Variants in PCDHGA7 observed in about 807,000 individuals in gnomAD.
The protein encoded by PCDHGA7 is protocadherin gamma subfamily A, 7, also known as protocadherin gamma-A7.
Under a neutral mutation model 58.3 loss-of-function variants are expected in PCDHGA7, and 44 were observed. The ratio of observed to expected loss-of-function variants is 0.75; its 90% CI spans 0.59 to 0.97. The LOEUF is 0.97. Ranked by LOEUF, PCDHGA7 falls within the 50% of genes least tolerant of loss-of-function variation. The probability of loss-of-function intolerance (pLI) is 0.00; values close to 1 mark genes in which losing one functional copy is unlikely to be tolerated. For synonymous variants in PCDHGA7, 516 were observed against 504.2 expected, an observed-to-expected ratio of 1.02 and a Z score of -0.31; for missense variants, 1,266 against 1,188.7, an observed-to-expected ratio of 1.06 and a Z score of -0.96.
At chr5:141,402,458 T>C (rs886690950) in intron 1 of PCDHGA7, among the ~76,000 whole-genome samples, 2 of 152,178 alleles carry the variant, frequency 1.3e-5, no homozygotes, top group Non-Finnish European at 2.9e-5. Flanking sequence ...ATAGTTTACA[T>C]ATCTAGAAAT....
chr5:141,507,872 C>T (rs2099864458), intron 3 of PCDHGA7, among the ~76,000 whole-genome samples: 1 of 152,168 alleles, frequency 6.6e-6, no homozygotes, highest in African/African-American at 2.4e-5. Flanking sequence ...GCTTCCTAGC[C>T]CTGAAACCAG....
chr5:141,421,243 C>T (rs201273667), intron 1 of PCDHGA7: 12 of 1,601,540 alleles, frequency 7.5e-6, no homozygotes, highest in Non-Finnish European at 1.0e-5. Flanking sequence ...GAATCGGCTA[C>T]AGCGCGGGGA....
At position 141,438,631 on chromosome 5, in the gene PCDHGA7, T is replaced by C. The variant is rs1227796079; in HGVS notation, c.2424+53308T>C. 6.5e-4 allele frequency among the ~76,000 whole-genome samples: 28 copies of C among 43,202 alleles called. 1 individual carries two copies. Among genetic ancestry groups the C allele is most frequent in the Non-Finnish European group, 8.8e-4 (23 of 26,272 alleles). 28.3% of individuals were successfully genotyped at this position (43,202 alleles called of 152,430 possible). On this transcript the variant is annotated intron_variant, in intron 1 of 3. Transcript: ENST00000518325. ...ATATATATATATATATATATATATATATATACACACACACACACACATATA... is the reference window on the plus strand; with the variant it reads ...ATATATATATATATATATATATATACATATACACACACACACACACATATA...
At chr5:141,425,159 G>T (rs557552439) in intron 1 of PCDHGA7, among the ~76,000 whole-genome samples, 1 of 152,244 alleles carries the variant, frequency 6.6e-6, no homozygotes, top group Non-Finnish European at 1.5e-5. Context: ...AGCATCTAGG[G>T]ATAGGATTTA....
At chr5:141,423,990 T>A (rs2096793990) in intron 1 of PCDHGA7, 2 of 1,090,000 alleles carry the variant, frequency 1.8e-6, no homozygotes, top group East Asian at 1.1e-4. Flanking sequence ...GCTCTCAATT[T>A]ATTATATATA....
intron 1 of PCDHGA7, among the ~76,000 whole-genome samples, chr5:141,469,232 A>AC (rs1350524557): frequency 2.0e-5 from 3 of 151,722 alleles, no homozygotes; most frequent in Non-Finnish European, 4.4e-5. Flanking sequence ...AGCCATGATC[A>AC]CCCCACTGCA....
At chr5:141,425,111 A>C (rs2096857405) in intron 1 of PCDHGA7, among the ~76,000 whole-genome samples, 1 of 152,144 alleles carries the variant, frequency 6.6e-6, no homozygotes, top group Non-Finnish European at 1.5e-5. Flanking sequence ...AGATGCCTAC[A>C]TTTTTCTTGA....
At chr5:141,401,570 C>T (rs192915698) in intron 1 of PCDHGA7, among the ~76,000 whole-genome samples, 2 of 152,290 alleles carry the variant, frequency 1.3e-5, no homozygotes, top group Admixed American at 1.3e-4. Context: ...ATTTCTCTTG[C>T]TCGGAATCCT....
At chr5:141,433,377 A>ATCTG (rs1300427377) in intron 1 of PCDHGA7, among the ~76,000 whole-genome samples, 1 of 150,958 alleles carries the variant, frequency 6.6e-6, no homozygotes, top group Non-Finnish European at 1.5e-5. Context: ...CTATCTATCT[A>ATCTG]TCTATCTATC....
intron 1 of PCDHGA7, chr5:141,478,217 G>A: frequency 2.5e-6 from 4 of 1,614,094 alleles, no homozygotes. Flanking sequence ...TCTAATCCTG[G>A]TTTCTGTGGG....
intron 1 of PCDHGA7, chr5:141,395,029 AT>A: frequency 6.2e-7 from 1 of 1,613,976 alleles, no homozygotes. Context: ...CCTGCCTCAC[AT>A]TTTGTGGGTG....
At chr5:141,404,568 G>A (rs2094540345) in intron 1 of PCDHGA7, 1 of 1,613,868 alleles carries the variant, frequency 6.2e-7, no homozygotes, top group Non-Finnish European at 8.5e-7. Flanking sequence ...GACAGTGGAA[G>A]CCCACCACTT....
chr5:141,410,849 C>CTTTTTTTTCTTTTT (rs2095433387), intron 1 of PCDHGA7: 1 of 129,786 alleles, frequency 7.7e-6, no homozygotes, highest in African/African-American at 6.0e-5. Flanking sequence ...TTGTCTTTGT[C>CTTTTTTTTCTTTTT]TTTTTTTTTT....
chr5:141,395,439 A>G, intron 1 of PCDHGA7: 1 of 679,568 alleles, frequency 1.5e-6, no homozygotes, highest in Non-Finnish European at 2.3e-6. Context: ...AACGACTTGG[A>G]AAAGATTGTT....
At chr5:141,455,860 ATTATTTAT>A (rs145569377) in intron 1 of PCDHGA7, among the ~76,000 whole-genome samples, 26,605 of 139,696 alleles carry the variant, frequency 0.19, 2,610 homozygotes, top group Middle Eastern at 0.23. Context: ...AATTTCTTTT[ATTATTTAT>A]TTATTTATTT....
At position 141,415,593 on chromosome 5, in the gene PCDHGA7, G is replaced by A. The variant is rs201857595; in HGVS notation, c.2424+30270G>A. ...TAGATGATTCGAAGTTTCCTATAGA[G>A]GATACCCCATTGGTTCCAGTGAGTT... On this transcript the variant is annotated intron_variant, in intron 1 of 3. Transcript: ENST00000518325. The A allele has an allele frequency of 7.6e-5, 122 of 1,613,876 alleles. No homozygotes were observed. In the East Asian group the frequency reaches 2.7e-3, roughly 35 times the overall value.
At chr5:141,427,484 T>C (rs766997973) in intron 1 of PCDHGA7, 7 of 539,726 alleles carry the variant, frequency 1.3e-5, no homozygotes, top group Non-Finnish European at 2.5e-5. Context: ...ATAATGACTA[T>C]AAGCTTGTAA....
At position 141,389,178 on chromosome 5, in the gene PCDHGA7, T is replaced by G. The variant is rs1280956707; in HGVS notation, c.2424+3855T>G. 2 of 1,613,974 alleles carry G rather than the reference T, an allele frequency of 1.2e-6. No individual in the cohort carries two copies. The highest frequency in any genetic ancestry group is 1.7e-6 in the Non-Finnish European group (2 of 1,179,890). ...AGATCGGGGCAAGCCTCCCCTCTCC[T>G]CCAGTTCCAGCATCACCCTGCACAT... On this transcript the variant is annotated intron_variant, in intron 1 of 3. Coordinates refer to ENST00000518325, the MANE Select transcript of PCDHGA7 (RefSeq NM_018920.4).
chr5:141,458,633 A>C (rs548586597), intron 1 of PCDHGA7, among the ~76,000 whole-genome samples: 12 of 151,884 alleles, frequency 7.9e-5, no homozygotes, highest in Non-Finnish European at 1.5e-4. Flanking sequence ...GCAGTGGCAC[A>C]ATCCCAGCTC....
Sources: gnomAD v4.1 joint callset for allele counts (sites outside exome capture counted in the v4.1 genomes callset) on GRCh38, gnomAD v4.1.1 for gene constraint, MANE v1.5 for transcripts, NCBI Gene and HGNC (gene_info 2026-07-23, HGNC 2026-07-21) for gene names.